The following NRAP variants were observed in gnomAD, a reference collection of about 807,000 sequenced individuals.
NRAP encodes the protein nebulin related anchoring protein.
A neutral mutation model predicts 225.9 loss-of-function variants in NRAP; 189 were observed. The observed-to-expected ratio is 0.84, with a 90% CI of 0.74 to 0.94. NRAP has a LOEUF of 0.94. NRAP is among the 40% of genes least tolerant of loss of function. The pLI is 0.00. For synonymous variants in NRAP, 769 were observed against 790.7 expected, an observed-to-expected ratio of 0.97 and a Z score of 0.46; for missense variants, 2,176 against 2,168.7, an observed-to-expected ratio of 1.00 and a Z score of -0.07.
At position 113,595,825 on chromosome 10, in the gene NRAP, T is replaced by C. The variant is rs1846257508; in HGVS notation, c.4432-98A>G. The C allele has an allele frequency of 7.6e-6, 6 of 789,124 alleles. No homozygotes were observed. In the South Asian group the frequency reaches 9.5e-5, roughly 12 times the overall value. 48.9% of individuals were successfully genotyped at this position (789,124 alleles called of 1,614,324 possible). On this transcript the variant is annotated intron_variant, in intron 37 of 41. Transcript: ENST00000359988. ...CCCTTTCCTGCCCCTCCCACCTGAG[T>C]GCCCACCGCATAGAACAGAACCCAG...
intron 35 of NRAP, among the ~76,000 whole-genome samples, chr10:113,601,655 T>C (rs1780355830): frequency 6.6e-6 from 1 of 152,256 alleles, no homozygotes; most frequent in South Asian, 2.1e-4. Flanking sequence ...TTCTCCATTT[T>C]AGATTATGTT....
chr10:113,635,300 G>A (rs1592821590), intron 14 of NRAP, among the ~76,000 whole-genome samples: 1 of 152,214 alleles, frequency 6.6e-6, no homozygotes, highest in East Asian at 1.9e-4. Context: ...GATAGTAGGC[G>A]ATAAGGCGTG....
chr10:113,645,726 C>T lies in NRAP; in HGVS notation c.1110+99G>A, dbSNP rs1211714298. The stretch of plus-strand genomic sequence containing the variant: ...GCCACCGCACCTGGCCGGTGTCACA[C>T]TTTTAACCAGAGCTTTTTATTATAG... On this transcript the variant is annotated intron_variant, in intron 11 of 41. Coordinates refer to ENST00000359988, the MANE Select transcript of NRAP (RefSeq NM_198060.4). 11 of 678,362 alleles carry T rather than the reference C, an allele frequency of 1.6e-5. 1 individual carries two copies. Among genetic ancestry groups the T allele is most frequent in the South Asian group, 4.5e-5 (2 of 44,412 alleles). The allele number at this position is 678,362 out of a possible 1,614,324, so 42.0% of individuals were successfully genotyped here.
chr10:113,634,791 A>G (rs1296505051), intron 14 of NRAP, among the ~76,000 whole-genome samples: 1 of 152,216 alleles, frequency 6.6e-6, no homozygotes, highest in African/African-American at 2.4e-5. Flanking sequence ...TACGTCTTAT[A>G]CTTCACCAAA....
At chr10:113,630,450 G>A (rs1848517704) in intron 18 of NRAP, among the ~76,000 whole-genome samples, 1 of 152,152 alleles carries the variant, frequency 6.6e-6, no homozygotes, top group Non-Finnish European at 1.5e-5. Context: ...TGACCATGGT[G>A]ATGGTGAAGG....
chr10:113,641,334 T>A, intron 13 of NRAP, 31 bp downstream of exon 13: 1 of 1,379,760 alleles, frequency 7.2e-7, no homozygotes, highest in Non-Finnish European at 1.0e-6. Context: ...CCCCACTCCA[T>A]CCCAACAGAC....
rs765358432 is a variant in NRAP, at chr10:113,589,122, C to A, written c.5089-43G>T. The A allele has an allele frequency of 9.7e-6, 15 of 1,539,428 alleles. No individual in the cohort carries two copies. In the African/African-American group the frequency reaches 1.4e-4, roughly 14 times the overall value. ...ACCCCAAGTTAAAATGAAGCTCCCC[C>A]ACCCCCACTCCCGGCCCCGGTTCCC... is the stretch of plus-strand genomic sequence containing the variant. On this transcript the variant is annotated intron_variant, in intron 41 of 41. Transcript: ENST00000359988.
rs975703180 is a variant in NRAP at position 113,608,402 on chromosome 10, A to G, written c.3702+12T>C. On this transcript the variant is annotated intron_variant, in intron 32 of 41. Coordinates refer to ENST00000359988, the MANE Select transcript of NRAP (RefSeq NM_198060.4). The stretch of plus-strand genomic sequence containing the variant: ...TTAAAAAGACCATTCCAAAGCCATC[A>G]GGAGATTTTACCTCATTCGTTATCT... The G allele has an allele frequency of 3.2e-6, 5 of 1,544,576 alleles. No homozygotes were observed. Among genetic ancestry groups the G allele is most frequent in the Admixed American group, 1.7e-5 (1 of 58,932 alleles).
intron 29 of NRAP, among the ~76,000 whole-genome samples, chr10:113,613,827 A>G (rs912673861): frequency 6.6e-6 from 1 of 152,172 alleles, no homozygotes; most frequent in Non-Finnish European, 1.5e-5. Context: ...ACACTTTTAT[A>G]TAAAATTTTC....
intron 4 of NRAP, among the ~76,000 whole-genome samples, chr10:113,655,145 T>A (rs996173337): frequency 6.6e-6 from 1 of 152,220 alleles, no homozygotes; most frequent in African/African-American, 2.4e-5. Flanking sequence ...AAGATGCAGA[T>A]TGTCCAAACA....
In NRAP at chr10:113,643,253, G is replaced by T. The variant is rs539473019; in HGVS notation, c.1111-215C>A. On this transcript the variant is annotated intron_variant, in intron 11 of 41. Transcript: ENST00000359988. ...ATTGGTTTCATTCAGAAAATTAAAAGCATATAGTCGCTTTCAAGAACAAAT... is the reference window on the plus strand; with the variant it reads ...ATTGGTTTCATTCAGAAAATTAAAATCATATAGTCGCTTTCAAGAACAAAT... Among the ~76,000 whole-genome samples the T allele has an allele frequency of 1.1e-4, 16 of 152,276 alleles. No individual in the cohort carries two copies. The South Asian group carries it at 2.7e-3, about 26-fold the overall frequency.
intron 11 of NRAP, 138 bp from the exon 12 acceptor site, chr10:113,643,176 T>C (rs1564747985): frequency 2.1e-6 from 1 of 478,472 alleles, no homozygotes; most frequent in Middle Eastern, 2.9e-4. Context: ...ATATGCTAAG[T>C]TAGCAGGACA....
In NRAP at chr10:113,646,937, C is replaced by T. The variant is rs1338887175; in HGVS notation, c.979G>A (p.Glu327Lys). The T allele has an allele frequency of 1.7e-5, 28 of 1,612,986 alleles. No individual in the cohort carries two copies. Among genetic ancestry groups the T allele is most frequent in the Admixed American group, 3.3e-5 (2 of 60,008 alleles). ...ATGGTACTTACGTCACTAGCGAGTT[C>T]GTGAGCTTTCTTGGCGTTCTGATAT... ...PAYQNAKKAH[E>K]LASDIKYRQD... The change falls in exon 10 of 42, where the codon GAA becomes AAA. Residue 327 changes from glutamate to lysine, a missense_variant. By Grantham distance (56) the Glu-to-Lys change is moderately conservative. This residue lies in a region of NRAP where 1,708 missense variants were observed against 1,695.5 expected (regional missense o/e 1.01). Transcript: ENST00000359988.
intron 3 of NRAP, among the ~76,000 whole-genome samples, chr10:113,660,834 A>C (rs755079081): frequency 6.6e-6 from 1 of 152,220 alleles, no homozygotes; most frequent in Non-Finnish European, 1.5e-5. Flanking sequence ...TATATGAAAG[A>C]GAGCCACTAA....
rs773569951 is a variant in NRAP at position 113,590,531 on chromosome 10, G to A, written c.4956+47C>T. The A allele has an allele frequency of 9.5e-6, 15 of 1,570,864 alleles. No homozygotes were observed. The East Asian group carries it at 2.9e-4, about 31-fold the overall frequency. On this transcript the variant is annotated intron_variant, in intron 40 of 41. Coordinates refer to ENST00000359988, the MANE Select transcript of NRAP (RefSeq NM_198060.4). ...TGGCATTATGGCCATCTCTTAGGAA[G>A]AGGCACCAGGGGAAGGGCCTCAAGG...
At chr10:113,634,090 C>T (rs375370717) in intron 15 of NRAP, 22 bp downstream of exon 15, 12 of 1,544,882 alleles carry the variant, frequency 7.8e-6, no homozygotes, top group Non-Finnish European at 1.1e-5. Context: ...CTACATCCAG[C>T]TGGGCAGGGA....
In NRAP at chr10:113,622,329, C is replaced by A. The variant is rs149656949; in HGVS notation, c.2458-149G>T. 8 of 602,996 alleles carry A rather than the reference C, an allele frequency of 1.3e-5. No individual in the cohort carries two copies. The South Asian group carries it at 1.5e-4, about 12-fold the overall frequency. 37.4% of individuals were successfully genotyped at this position (602,996 alleles called of 1,614,324 possible). A position where few individuals can be genotyped will look rare whatever the true frequency, so the allele number is the denominator to read the frequency against. ...ATGAAAGTTTGCCTTTTTGAGCATC[C>A]GATACATTTTCTTTCATCAGTGAAA... On this transcript the variant is annotated intron_variant, in intron 23 of 41. Coordinates refer to ENST00000359988, the MANE Select transcript of NRAP (RefSeq NM_198060.4).
intron 26 of NRAP, 82 bp downstream of exon 26, chr10:113,617,373 C>T (rs2133961636): frequency 1.1e-6 from 1 of 898,980 alleles, no homozygotes; most frequent in Non-Finnish European, 1.9e-6. Flanking sequence ...AAGGAGCAAA[C>T]CCAAGAACCC....
In NRAP at chr10:113,617,346, C is replaced by A. The variant is rs1233786380; in HGVS notation, c.2973+109G>T. 4.1e-6 allele frequency: 3 copies of A among 723,966 alleles called. No individual in the cohort carries two copies. The African/African-American group carries it at 5.2e-5, about 13-fold the overall frequency. 44.8% of individuals were successfully genotyped at this position (723,966 alleles called of 1,614,324 possible). A position where few individuals can be genotyped will look rare whatever the true frequency, so the allele number is the denominator to read the frequency against. ...CTCTGCAAAGGACAGGGAGCGCCTT[C>A]ATCCTTAGGACAACAGAAGGAGCAA... On this transcript the variant is annotated intron_variant, in intron 26 of 41. Transcript: ENST00000359988.
Sources: allele counts gnomAD v4.1 joint callset (sites outside exome capture counted in the v4.1 genomes callset), GRCh38; gene constraint gnomAD v4.1.1; regional missense constraint gnomAD v4.1.1; transcripts MANE v1.5; gene names NCBI Gene and HGNC (gene_info 2026-07-23, HGNC 2026-07-21).